CCDC57: variants seen among roughly 807,000 people sequenced by gnomAD.
CCDC57 encodes coiled-coil domain containing 57.
In CCDC57, 118 loss-of-function variants were observed where a neutral mutation model predicts 118.9. The ratio of observed to expected loss-of-function variants is 0.99; its 90% CI spans 0.86 to 1.16. CCDC57 has a LOEUF of 1.16. Among genes scored for constraint, CCDC57 ranks in the 50% most tolerant of loss-of-function variants. The pLI, the probability that CCDC57 is intolerant of heterozygous loss-of-function variation, is 0.00. For synonymous variants in CCDC57, 527 were observed against 532.9 expected, an observed-to-expected ratio of 0.99 and a Z score of 0.15; for missense variants, 1,300 against 1,320.7, an observed-to-expected ratio of 0.98 and a Z score of 0.24.
At chr17:82,151,862 G>A in intron 15 of CCDC57, 89 bp from the exon 15 acceptor site, 9 of 1,142,874 alleles carry the variant, frequency 7.9e-6, no homozygotes, top group South Asian at 1.5e-5. Context: ...CTCTTCACCT[G>A]CTCTTCCAGG....
At position 82,127,079 on chromosome 17, in the gene CCDC57, C is replaced by G. The variant is rs937967290; in HGVS notation, c.2899+613G>C. 3.0e-6 allele frequency: 3 copies of G among 985,470 alleles called. No homozygotes were observed. In the African/African-American group the frequency reaches 5.2e-5, roughly 17 times the overall value. The allele number at this position is 985,470 out of a possible 1,614,324, so 61.0% of individuals were successfully genotyped here. A position where few individuals can be genotyped will look rare whatever the true frequency, so the allele number is the denominator to read the frequency against. Reference sequence around the variant, plus strand: ...CCCTTCAAACAGACTTTTCTGAAAACTTCCTGAGACCAGTAGCAGGAGCTG... The same window carrying G: ...CCCTTCAAACAGACTTTTCTGAAAAGTTCCTGAGACCAGTAGCAGGAGCTG... On this transcript the variant is annotated intron_variant, in intron 19 of 19. Transcript: ENST00000665763.
chr17:82,111,077 G>C (rs2035210042), intron 19 of CCDC57, among the ~76,000 whole-genome samples: 1 of 151,940 alleles, frequency 6.6e-6, no homozygotes, highest in Admixed American at 6.6e-5. Context: ...ATCAAAGACA[G>C]ACTTTGTTTG....
chr17:82,107,709 C>A, intron 19 of CCDC57: 2 of 422,252 alleles, frequency 4.7e-6, no homozygotes, highest in Admixed American at 5.0e-5. Flanking sequence ...CCTGGCAACA[C>A]CTGCCACGTG....
intron 7 of CCDC57, among the ~76,000 whole-genome samples, 197 bp from the exon 7 acceptor site, chr17:82,188,616 A>G (rs550255521): frequency 6.6e-6 from 1 of 152,358 alleles, no homozygotes; most frequent in South Asian, 2.1e-4. Context: ...TTTCGATGCC[A>G]GGCCCCTGGC....
intron 16 of CCDC57, among the ~76,000 whole-genome samples, chr17:82,140,560 C>G (rs2039883213): frequency 6.6e-6 from 1 of 152,192 alleles, no homozygotes. Flanking sequence ...CTCCAGAATT[C>G]AGAAACTTGT....
chr17:82,147,247 T>C (rs1224834209), intron 16 of CCDC57, among the ~76,000 whole-genome samples: 1 of 133,002 alleles, frequency 7.5e-6, no homozygotes, highest in Non-Finnish European at 1.5e-5. Context: ...GATGAATGGA[T>C]AGATGGATGA....
intron 8 of CCDC57, 95 bp from the exon 8 acceptor site, chr17:82,184,027 G>GCACACACACACACA (rs759711817): frequency 8.3e-4 from 272 of 328,430 alleles, no homozygotes; most frequent in East Asian, 2.3e-3. Flanking sequence ...GCGCGCGCGC[G>GCACACACACACACA]CGCGCACACA....
rs368209009 is a variant in CCDC57, at chr17:82,201,665, C to G, written c.280G>C (p.Glu94Gln). The change falls in exon 3 of 20, where the codon GAG becomes CAG. Residue 94 changes from glutamate to glutamine, a missense_variant. Transcript: ENST00000665763. Reference sequence around the variant, plus strand: ...AGCTTAGCTGCCTCTATCTTGAGCTCGCTCACCTCTGCCCGCCTGGCCTCT... The same window carrying G: ...AGCTTAGCTGCCTCTATCTTGAGCTGGCTCACCTCTGCCCGCCTGGCCTCT... The G allele has an allele frequency of 7.4e-6, 12 of 1,613,250 alleles. No homozygotes were observed. Among genetic ancestry groups the G allele is most frequent in the Non-Finnish European group, 1.0e-5 (12 of 1,179,388 alleles).
At chr17:82,135,782 G>C (rs2039066336) in intron 16 of CCDC57, among the ~76,000 whole-genome samples, 1 of 149,946 alleles carries the variant, frequency 6.7e-6, no homozygotes, top group South Asian at 2.1e-4. Flanking sequence ...GAAAACAGCT[G>C]GGTGCGGTGG....
intron 19 of CCDC57, among the ~76,000 whole-genome samples, chr17:82,114,603 C>T (rs1050049652): frequency 6.6e-5 from 10 of 152,100 alleles, no homozygotes; most frequent in Admixed American, 2.0e-4. Flanking sequence ...TGCAGGGCCA[C>T]AGTGACTAGG....
rs148730735 is a variant in CCDC57, at chr17:82,133,914, G to T, written c.2577+159C>A. Among the ~76,000 whole-genome samples the T allele has an allele frequency of 9.0e-3, 1,367 of 152,126 alleles. 18 individuals carry two copies. Among genetic ancestry groups the T allele is most frequent in the African/African-American group, 0.032 (1,313 of 41,496 alleles). Reference sequence around the variant, plus strand: ...CAAACCAAAACAAAACAAAAACCCAGCAGAAAACACATTGAAATGTTACTA... The same window carrying T: ...CAAACCAAAACAAAACAAAAACCCATCAGAAAACACATTGAAATGTTACTA... On this transcript the variant is annotated intron_variant, in intron 17 of 19. Transcript: ENST00000665763.
rs8068097 is a variant in CCDC57, at chr17:82,108,556, C to T, written c.2900-6690G>A. Among the ~76,000 whole-genome samples, 1,067 of 152,238 alleles carry T rather than the reference C, an allele frequency of 7.0e-3. 9 individuals carry two copies. The highest frequency in any genetic ancestry group is 0.025 in the African/African-American group (1,039 of 41,498). On this transcript the variant is annotated intron_variant, in intron 19 of 19. Transcript: ENST00000665763. The stretch of plus-strand genomic sequence containing the variant: ...GAAATACACAGGGTAGTGCATGTGA[C>T]GGTGTCCAAGACGCACAGCAGATTT...
chr17:82,152,562 G>A (rs1263206056), intron 15 of CCDC57, among the ~76,000 whole-genome samples: 1 of 152,260 alleles, frequency 6.6e-6, no homozygotes, highest in African/African-American at 2.4e-5. Context: ...GCTACAGAGT[G>A]CAATCCCAAC....
intron 11 of CCDC57, among the ~76,000 whole-genome samples, chr17:82,173,614 C>T (rs976696035): frequency 2.0e-5 from 3 of 152,136 alleles, no homozygotes; most frequent in African/African-American, 7.2e-5. Context: ...TCACAGATGA[C>T]GAAGCTCAGT....
At chr17:82,159,607 A>G (rs2043075184) in intron 14 of CCDC57, among the ~76,000 whole-genome samples, 1 of 152,148 alleles carries the variant, frequency 6.6e-6, no homozygotes, top group African/African-American at 2.4e-5. Context: ...TAGCCCTTCC[A>G]GTGTGGGCAT....
chr17:82,205,642 CCT>C (rs1216277252), intron 2 of CCDC57, among the ~76,000 whole-genome samples: 3 of 152,134 alleles, frequency 2.0e-5, no homozygotes, highest in East Asian at 1.9e-4. Flanking sequence ...AGCGGGTCAC[CCT>C]GTTTTCAAAA....
rs2037491869 is a variant in CCDC57 at position 82,126,764 on chromosome 17, C to T, written c.2899+928G>A. The T allele has an allele frequency of 6.1e-6, 6 of 985,348 alleles. No individual in the cohort carries two copies. In the South Asian group the frequency reaches 2.8e-4, roughly 46 times the overall value. The allele number at this position is 985,348 out of a possible 1,614,324, so 61.0% of individuals were successfully genotyped here. On this transcript the variant is annotated intron_variant, in intron 19 of 19. Coordinates refer to ENST00000665763, the Ensembl canonical transcript of CCDC57. ...TACACGTGTGTTTTCACACACACTG[C>T]AGCCTGTAAGGTTACTATTCTAACA... is the stretch of plus-strand genomic sequence containing the variant.
At chr17:82,163,300 C>G in exon 14 of CCDC57, 1 of 1,614,050 alleles carries the variant, frequency 6.2e-7, no homozygotes, top group Non-Finnish European at 8.5e-7. Flanking sequence ...TTGGACAGAT[C>G]CTCCTGCTTG....
chr17:82,142,161 T>C (rs770246434), intron 16 of CCDC57, among the ~76,000 whole-genome samples: 3 of 152,244 alleles, frequency 2.0e-5, no homozygotes, highest in Non-Finnish European at 4.4e-5. Flanking sequence ...AGCCACATTT[T>C]ACTTCTTTCT....
Sources: gnomAD v4.1 joint callset for allele counts (sites outside exome capture counted in the v4.1 genomes callset) on GRCh38, gnomAD v4.1.1 for gene constraint, MANE v1.5 for transcripts, NCBI Gene and HGNC (gene_info 2026-07-23, HGNC 2026-07-21) for gene names.